The following DNM3 variants were observed in gnomAD, a reference collection of about 807,000 sequenced individuals.
DNM3 encodes dynamin 3, also known as dynamin-3.
A neutral mutation model predicts 101.6 loss-of-function variants in DNM3; 47 were observed. The observed-to-expected ratio is 0.46, with a 90% CI of 0.37 to 0.59. The LOEUF (loss-of-function observed/expected upper bound fraction) is 0.59, where lower values mean the gene tolerates loss of function less well. Among genes scored for constraint, DNM3 ranks in the 20% least tolerant of loss-of-function variants. The probability of loss-of-function intolerance (pLI) is 0.00; values close to 1 mark genes in which losing one functional copy is unlikely to be tolerated. For missense variants in DNM3, 849 were observed against 1,085.7 expected, an observed-to-expected ratio of 0.78 and a Z score of 3.06; for synonymous variants, 385 against 387.9, an observed-to-expected ratio of 0.99 and a Z score of 0.09.
At chr1:172,176,000 C>G (rs1162111345) in intron 14 of DNM3, among the ~76,000 whole-genome samples, 1 of 151,724 alleles carries the variant, frequency 6.6e-6, no homozygotes, top group East Asian at 1.9e-4. Flanking sequence ...AGTAATCCCT[C>G]CAACCCTCCC....
At position 171,901,125 on chromosome 1, in the gene DNM3, AAAAAAAG is replaced by A. The variant is rs1360427101; in HGVS notation, c.162-20619_162-20613del. On this transcript the variant is annotated intron_variant, in intron 1 of 20. Coordinates refer to ENST00000627582, the MANE Select transcript of DNM3 (RefSeq NM_015569.5). ...GAGACTCTGTCTCAAAAAAAAAAAA[AAAAAAAG>A]AAAGAAATCTATGAAGTTCAGCACC... Among the ~76,000 whole-genome samples, 14 of 149,322 alleles carry A rather than the reference AAAAAAAG, an allele frequency of 9.4e-5. 1 individual carries two copies. The highest frequency in any genetic ancestry group is 6.4e-4 in the South Asian group (3 of 4,716).
At chr1:172,194,645 G>A (rs1304912673) in intron 14 of DNM3, among the ~76,000 whole-genome samples, 1 of 151,902 alleles carries the variant, frequency 6.6e-6, no homozygotes, top group African/African-American at 2.4e-5. Flanking sequence ...GATCTTTGTT[G>A]GTTTAAAGTC....
intron 12 of DNM3, among the ~76,000 whole-genome samples, chr1:172,088,182 G>A (rs1279868163): frequency 5.9e-5 from 9 of 152,164 alleles, no homozygotes. Context: ...CAAGGAGCAG[G>A]CATTGTTGGA....
At chr1:172,286,795 C>T (rs1440837481) in intron 15 of DNM3, among the ~76,000 whole-genome samples, 2 of 152,182 alleles carry the variant, frequency 1.3e-5, no homozygotes. Context: ...CCAGTTACTT[C>T]CCCTGTCTAG....
At chr1:172,047,232 C>T (rs1199828008) in intron 9 of DNM3, among the ~76,000 whole-genome samples, 1 of 152,046 alleles carries the variant, frequency 6.6e-6, no homozygotes, top group Non-Finnish European at 1.5e-5. Flanking sequence ...ACACTGAATG[C>T]TGACTATGAG....
At chr1:172,226,936 G>C (rs1458501271) in intron 14 of DNM3, among the ~76,000 whole-genome samples, 1 of 151,808 alleles carries the variant, frequency 6.6e-6, no homozygotes, top group Non-Finnish European at 1.5e-5. Flanking sequence ...GCTCTGGGGG[G>C]AGGTACAAGT....
At chr1:172,306,907 C>A (rs1054265557) in intron 15 of DNM3, among the ~76,000 whole-genome samples, 2 of 152,036 alleles carry the variant, frequency 1.3e-5, no homozygotes, top group East Asian at 3.8e-4. Context: ...AATGTTAGAC[C>A]TAAAACCATA....
chr1:172,158,452 A>G (rs186055901), intron 14 of DNM3, among the ~76,000 whole-genome samples: 2 of 152,190 alleles, frequency 1.3e-5, no homozygotes, highest in East Asian at 3.9e-4. Flanking sequence ...GAGCAAAGGC[A>G]CAGGCAGTGG....
chr1:171,907,431 C>T (rs547594461), intron 1 of DNM3, among the ~76,000 whole-genome samples: 2 of 151,322 alleles, frequency 1.3e-5, no homozygotes, highest in South Asian at 2.1e-4. Context: ...GCGGAGGTTG[C>T]GGTGAGCCAA....
intron 14 of DNM3, among the ~76,000 whole-genome samples, chr1:172,136,187 G>C (rs767173228): frequency 3.3e-5 from 5 of 152,090 alleles, no homozygotes; most frequent in Non-Finnish European, 7.4e-5. Flanking sequence ...TGGATAACTT[G>C]ATAAGGAGAT....
At chr1:172,058,681 G>A (rs1350760290) in intron 10 of DNM3, among the ~76,000 whole-genome samples, 1 of 152,064 alleles carries the variant, frequency 6.6e-6, no homozygotes, top group Non-Finnish European at 1.5e-5. Context: ...GAATCTCTGG[G>A]ATGCATTTAA....
intron 13 of DNM3, among the ~76,000 whole-genome samples, chr1:172,099,294 G>T (rs2054470760): frequency 1.3e-5 from 2 of 152,108 alleles, no homozygotes; most frequent in South Asian, 2.1e-4. Context: ...TCATCAACAT[G>T]CAGGGAGATA....
chr1:172,130,905 C>T (rs1006766355), intron 13 of DNM3, among the ~76,000 whole-genome samples: 1 of 152,062 alleles, frequency 6.6e-6, no homozygotes, highest in Non-Finnish European at 1.5e-5. Flanking sequence ...ATTAGTTTGC[C>T]TCACTTCATT....
chr1:172,053,876 G>A (rs1017037786), intron 10 of DNM3, among the ~76,000 whole-genome samples: 1 of 149,396 alleles, frequency 6.7e-6, no homozygotes, highest in Non-Finnish European at 1.5e-5. Context: ...ATCCTAATTA[G>A]AGTTGAGTCT....
intron 2 of DNM3, among the ~76,000 whole-genome samples, chr1:171,932,066 T>TCCTCCCTCCCTC (rs1338425432): frequency 2.5e-5 from 2 of 78,704 alleles, no homozygotes; most frequent in African/African-American, 1.0e-4. Context: ...CTCCCTCCAT[T>TCCTCCCTCCCTC]CCTCCCTCCC....
chr1:172,004,225 C>T (rs2046532226), intron 4 of DNM3, among the ~76,000 whole-genome samples: 1 of 151,872 alleles, frequency 6.6e-6, no homozygotes, highest in South Asian at 2.1e-4. Context: ...CAATGTGTTC[C>T]TATAAAGAGA....
rs968496998 is a variant in DNM3, at chr1:171,989,138, T to C, written c.579T>C (p.Val193=). The C allele has an allele frequency of 2.4e-5, 38 of 1,612,650 alleles. No homozygotes were observed. The highest frequency in any genetic ancestry group is 5.1e-6 in the Non-Finnish European group (6 of 1,179,266). The change falls in exon 4 of 21, where the codon GTT becomes GTC. Residue 193 remains valine (V), a synonymous_variant. Coordinates refer to ENST00000627582, the MANE Select transcript of DNM3 (RefSeq NM_015569.5). ...NSDALKLAKE[V]DPQGLRTIGV... ...ATGCGCTGAAGCTAGCTAAAGAAGT[T>C]GATCCTCAAGGTGAGTGTGTGACTA...
chr1:172,405,482 A>G (rs890390084), intron 20 of DNM3, among the ~76,000 whole-genome samples: 1 of 152,164 alleles, frequency 6.6e-6, no homozygotes, highest in Admixed American at 6.6e-5. Flanking sequence ...AAGGATCAAG[A>G]GAAGTCAGTT....
At chr1:172,109,697 T>C (rs182111692) in intron 13 of DNM3, among the ~76,000 whole-genome samples, 75 of 152,362 alleles carry the variant, frequency 4.9e-4, no homozygotes, top group African/African-American at 1.7e-3. Flanking sequence ...GGATGACTGA[T>C]ATTTACCAGG....
Sources: allele counts gnomAD v4.1 joint callset (sites outside exome capture counted in the v4.1 genomes callset), GRCh38; gene constraint gnomAD v4.1.1; transcripts MANE v1.5; gene names NCBI Gene and HGNC (gene_info 2026-07-23, HGNC 2026-07-21).